The following TXNL1 variants were observed in gnomAD, a reference collection of about 807,000 sequenced individuals.
TXNL1 encodes the protein thioredoxin-like protein 1.
TXNL1 carries 14 observed loss-of-function variants against 35.5 expected under a neutral mutation model. That is an observed-to-expected ratio of 0.39 (90% CI 0.26 to 0.62). The LOEUF (loss-of-function observed/expected upper bound fraction) is 0.62. Ranked by LOEUF, TXNL1 falls within the 20% of genes least tolerant of loss-of-function variation. The pLI, the probability that TXNL1 is intolerant of heterozygous loss-of-function variation, is 0.47. For missense variants in TXNL1, 263 were observed against 349.7 expected (o/e 0.75, Z 1.98); for synonymous variants, 110 against 115.5 (o/e 0.95, Z 0.31).
At position 56,600,039 on chromosome 18, in the gene TXNL1, A is replaced by G. The variant is rs1228630749; in HGVS notation, c.*2988T>C. 2 of 152,234 alleles carry G rather than the reference A, an allele frequency of 1.3e-5. No individual in the cohort carries two copies. Among genetic ancestry groups the G allele is most frequent in the Non-Finnish European group, 2.9e-5 (2 of 68,036 alleles). The allele number at this position is 152,234 out of a possible 1,614,324, so 9.4% of individuals were successfully genotyped here. A position where few individuals can be genotyped will look rare whatever the true frequency, so the allele number is the denominator to read the frequency against. The stretch of plus-strand genomic sequence containing the variant: ...TGTTTTTAAAGCTTACAAAGGGTGT[A>G]ACTAATTTATTCAACTCCAACACTT... On this transcript the variant is annotated 3_prime_UTR_variant, in exon 8 of 8. Coordinates refer to ENST00000217515, the MANE Select transcript of TXNL1 (RefSeq NM_004786.3).
At chr18:56,637,703 C>T (rs2024478504) in intron 1 of TXNL1, among the ~76,000 whole-genome samples, 1 of 152,138 alleles carries the variant, frequency 6.6e-6, no homozygotes, top group Admixed American at 6.5e-5. Flanking sequence ...TATGTACTGT[C>T]GTGTGTGACC....
At chr18:56,615,341 G>T (rs1350797665) in intron 5 of TXNL1, among the ~76,000 whole-genome samples, 2 of 126,754 alleles carry the variant, frequency 1.6e-5, no homozygotes, top group East Asian at 4.7e-4. Context: ...GAACAAATAA[G>T]AAAATGCTAT....
intron 3 of TXNL1, among the ~76,000 whole-genome samples, chr18:56,619,344 C>G (rs1481086323): frequency 6.6e-6 from 1 of 151,634 alleles, no homozygotes; most frequent in African/African-American, 2.4e-5. Context: ...TTGAGACCAG[C>G]TTGTCCAACA....
chr18:56,614,481 T>C lies in TXNL1; in HGVS notation c.678A>G (p.Lys226=). 1 of 1,613,982 alleles carries C rather than the reference T, an allele frequency of 6.2e-7. No individual in the cohort carries two copies. Among genetic ancestry groups the C allele is most frequent in the Non-Finnish European group, 8.5e-7 (1 of 1,179,956 alleles). ...AACGAAGTGGAACAATGCCATCTTCTTTAATATCATCCTCTGTCAGTTCCA... is the reference window on the plus strand; with the variant it reads ...AACGAAGTGGAACAATGCCATCTTCCTTAATATCATCCTCTGTCAGTTCCA... The part of the protein sequence containing the change: ...QALELTEDDI[K]EDGIVPLRYV... The change falls in exon 6 of 8, where the codon AAA becomes AAG. Residue 226 remains lysine (K), a synonymous_variant. Coordinates refer to ENST00000217515, the MANE Select transcript of TXNL1 (RefSeq NM_004786.3).
intron 7 of TXNL1, among the ~76,000 whole-genome samples, chr18:56,607,764 G>A (rs961551905): frequency 6.6e-6 from 1 of 152,138 alleles, no homozygotes; most frequent in Non-Finnish European, 1.5e-5. Context: ...GCTGAGGCAG[G>A]AGAATCACTT....
Position 56,626,797 on chromosome 18 carries a change from C to CTTTTTTTTTT in TXNL1, c.99-350_99-341dup, listed in dbSNP as rs386387792. Among the ~76,000 whole-genome samples, 236 of 55,002 alleles carry CTTTTTTTTTT rather than the reference C, an allele frequency of 4.3e-3. 56 individuals are homozygous for CTTTTTTTTTT. The highest frequency in any genetic ancestry group is 8.5e-3 in the South Asian group (9 of 1,056). 36.1% of individuals were successfully genotyped at this position (55,002 alleles called of 152,430 possible). On this transcript the variant is annotated intron_variant, in intron 1 of 7. Transcript: ENST00000217515. ...TACAGGCGTGAGCCACCAAGCCGGT[C>CTTTTTTTTTT]TTTTTTTTTTTTTTTTTTTTTTTTG...
At chr18:56,608,561 C>G (rs887484773) in intron 7 of TXNL1, 2 of 152,168 alleles carry the variant, frequency 1.3e-5, no homozygotes, top group Non-Finnish European at 2.9e-5. Flanking sequence ...CTCCAAGACC[C>G]TCTCAAGGAG....
At chr18:56,621,441 G>A (rs906755266) in intron 3 of TXNL1, among the ~76,000 whole-genome samples, 3 of 151,874 alleles carry the variant, frequency 2.0e-5, no homozygotes, top group Non-Finnish European at 1.5e-5. Context: ...TGATCCACCC[G>A]CCTCAGCCTC....
intron 7 of TXNL1, chr18:56,608,249 G>T (rs887538707): frequency 6.6e-6 from 1 of 152,136 alleles, no homozygotes; most frequent in Non-Finnish European, 1.5e-5. Context: ...GCCAATTTCA[G>T]TTACATGTAA....
chr18:56,626,679 T>G (rs1275776672), intron 1 of TXNL1, among the ~76,000 whole-genome samples: 1 of 151,742 alleles, frequency 6.6e-6, no homozygotes, highest in African/African-American at 2.4e-5. Context: ...GTATTTTTAG[T>G]AGAGACATGG....
intron 3 of TXNL1, among the ~76,000 whole-genome samples, chr18:56,623,473 T>C (rs556372954): frequency 6.6e-6 from 1 of 152,170 alleles, no homozygotes; most frequent in Non-Finnish European, 1.5e-5. Context: ...GGTAACTTTT[T>C]TTAAAATTCA....
At chr18:56,608,866 G>A (rs2023944344) in intron 7 of TXNL1, 1 of 151,246 alleles carries the variant, frequency 6.6e-6, no homozygotes, top group Middle Eastern at 3.4e-3. Flanking sequence ...AGGATCACTT[G>A]AGCCCAGGAG....
chr18:56,626,795 G>GTATTT (rs1221334957), intron 1 of TXNL1, among the ~76,000 whole-genome samples: 5 of 29,088 alleles, frequency 1.7e-4, no homozygotes, highest in South Asian at 1.7e-3. Context: ...CACCAAGCCG[G>GTATTT]TCTTTTTTTT....
At chr18:56,628,405 C>A (rs1369377168) in intron 1 of TXNL1, among the ~76,000 whole-genome samples, 1 of 152,184 alleles carries the variant, frequency 6.6e-6, no homozygotes, top group East Asian at 1.9e-4. Flanking sequence ...AGTAATAGTT[C>A]TAAGAGTCAA....
At chr18:56,605,509 G>A (rs1029125507) in intron 7 of TXNL1, among the ~76,000 whole-genome samples, 2 of 125,852 alleles carry the variant, frequency 1.6e-5, no homozygotes, top group Non-Finnish European at 3.7e-5. Flanking sequence ...CTAAGAAGCA[G>A]AAGCCCCTAT....
At chr18:56,633,296 A>C (rs1243759590) in intron 1 of TXNL1, among the ~76,000 whole-genome samples, 1 of 151,684 alleles carries the variant, frequency 6.6e-6, no homozygotes, top group Non-Finnish European at 1.5e-5. Flanking sequence ...AAATACAAAA[A>C]ATTAGCCGGG....
At position 56,626,453 on chromosome 18, in the gene TXNL1, C is replaced by A; in HGVS notation, c.103G>T (p.Gly35Trp). The change falls in exon 2 of 8, where the codon GGG (glycine) becomes TGG (tryptophan). Residue 35 changes from glycine (G) to tryptophan (W), a missense_variant. Coordinates refer to ENST00000217515, the MANE Select transcript of TXNL1 (RefSeq NM_004786.3). ...GCTGGGGCAATCCTCAAACATGGCC[C>A]ACACCTGTTAGAAAAGGAAAATTAA... ...AVVKFTMRGC[G>W]PCLRIAPAFS... The A allele has an allele frequency of 6.2e-7, 1 of 1,604,416 alleles. No homozygotes were observed. The highest frequency in any genetic ancestry group is 8.5e-7 in the Non-Finnish European group (1 of 1,177,084).
chr18:56,612,010 G>A lies in TXNL1; in HGVS notation c.736-913C>T, dbSNP rs554512674. ...ACTACAGGCACATGCTGCCACGCCC[G>A]GCTAATCTTTTTTTTTTTTTTTTTT... On this transcript the variant is annotated intron_variant, in intron 6 of 7. Coordinates refer to ENST00000217515, the MANE Select transcript of TXNL1 (RefSeq NM_004786.3). Among the ~76,000 whole-genome samples the A allele has an allele frequency of 3.1e-4, 44 of 142,486 alleles. 1 individual carries two copies. In the South Asian group the frequency reaches 8.8e-3, roughly 29 times the overall value. 93.5% of individuals were successfully genotyped at this position (142,486 alleles called of 152,430 possible). A position where few individuals can be genotyped will look rare whatever the true frequency, so the allele number is the denominator to read the frequency against.
intron 1 of TXNL1, among the ~76,000 whole-genome samples, chr18:56,627,497 CTTTA>C (rs1274281973): frequency 1.3e-5 from 2 of 151,968 alleles, no homozygotes; most frequent in African/African-American, 2.4e-5. Flanking sequence ...TATCATAAAC[CTTTA>C]TTAAGAGAAT....
Sources: allele counts gnomAD v4.1 joint callset (sites outside exome capture counted in the v4.1 genomes callset), GRCh38; gene constraint gnomAD v4.1.1; transcripts MANE v1.5; gene names NCBI Gene and HGNC (gene_info 2026-07-23, HGNC 2026-07-21).